The following GBF1 variants were observed in gnomAD, a reference collection of about 807,000 sequenced individuals.
GBF1 encodes the protein golgi brefeldin A resistant guanine nucleotide exchange factor 1.
A neutral mutation model predicts 210.5 loss-of-function variants in GBF1; 114 were observed. The observed-to-expected ratio is 0.54, with a 90% CI of 0.47 to 0.63. GBF1 has a LOEUF of 0.63. Ranked by LOEUF, GBF1 falls within the 30% of genes least tolerant of loss-of-function variation. The pLI is 0.00. For missense variants in GBF1, 1,851 were observed against 2,357.7 expected, an observed-to-expected ratio of 0.79 and a Z score of 4.45; for synonymous variants, 850 against 889.2, an observed-to-expected ratio of 0.96 and a Z score of 0.78.
chr10:102,315,195 A>G (rs1172158751), intron 3 of GBF1, among the ~76,000 whole-genome samples: 2 of 152,204 alleles, frequency 1.3e-5, no homozygotes, highest in Non-Finnish European at 2.9e-5. Flanking sequence ...CAGAAACATC[A>G]GTTGAAGACT....
At position 102,366,942 on chromosome 10, in the gene GBF1, G is replaced by T. The variant is rs1565169485; in HGVS notation, c.2434-143G>T. ...TAGTGACCTTTCCACAAAGAGATCA[G>T]CTTCTGTTAAGGAGTTGGCAAGAGA... On this transcript the variant is annotated intron_variant, in intron 19 of 39. Coordinates refer to ENST00000369983, the MANE Select transcript of GBF1 (RefSeq NM_001377137.1). The surrounding 1 kb of genome is among the most constrained non-coding windows in gnomAD (Gnocchi z 4.0). 1 of 838,416 alleles carries T rather than the reference G, an allele frequency of 1.2e-6. No individual in the cohort carries two copies. Among genetic ancestry groups the T allele is most frequent in the Admixed American group, 2.5e-5 (1 of 40,486 alleles). 51.9% of individuals were successfully genotyped at this position (838,416 alleles called of 1,614,324 possible).
intron 3 of GBF1, among the ~76,000 whole-genome samples, chr10:102,323,252 A>T (rs12411902): frequency 6.6e-6 from 1 of 151,312 alleles, no homozygotes; most frequent in Non-Finnish European, 1.5e-5. Flanking sequence ...AAAAAAAAAA[A>T]AAAAAAAAAG....
At chr10:102,380,088 G>A (rs892455129) in intron 36 of GBF1, 134 bp downstream of exon 36, 3 of 727,384 alleles carry the variant, frequency 4.1e-6, no homozygotes, top group African/African-American at 3.5e-5. Flanking sequence ...CACTAAGCAG[G>A]ACCTAGGGAC....
chr10:102,345,438 G>C (rs1042406290), intron 4 of GBF1, among the ~76,000 whole-genome samples: 4 of 151,362 alleles, frequency 2.6e-5, no homozygotes. Context: ...GGATCATGAG[G>C]TCAGGAGTTT....
chr10:102,364,281 G>A (rs1362844776), intron 17 of GBF1, among the ~76,000 whole-genome samples: 5 of 129,896 alleles, frequency 3.8e-5, no homozygotes, highest in Admixed American at 9.2e-5. Flanking sequence ...CTGGAGTGCA[G>A]TGGCATGATC....
intron 3 of GBF1, among the ~76,000 whole-genome samples, chr10:102,333,936 G>T (rs896299051): frequency 6.6e-6 from 1 of 152,162 alleles, no homozygotes; most frequent in African/African-American, 2.4e-5. Context: ...AGACAGAAAA[G>T]CCTAAAACCA....
chr10:102,298,796 T>C (rs973758376), intron 3 of GBF1, among the ~76,000 whole-genome samples: 4 of 152,184 alleles, frequency 2.6e-5, no homozygotes, highest in Non-Finnish European at 5.9e-5. Flanking sequence ...CCTAGGCCTG[T>C]TTCACTGATT....
chr10:102,381,633 G>A (rs1490827697), intron 39 of GBF1, among the ~76,000 whole-genome samples: 1 of 151,746 alleles, frequency 6.6e-6, no homozygotes, highest in African/African-American at 2.4e-5. Flanking sequence ...AACCAGCCTG[G>A]CCAACATGGT....
At position 102,382,160 on chromosome 10, in the gene GBF1, C is replaced by G. The variant is rs762778249; in HGVS notation, c.5407C>G (p.Pro1803Ala). 6.2e-7 allele frequency: 1 copy of G among 1,613,498 alleles called. No homozygotes were observed. The highest frequency in any genetic ancestry group is 8.5e-7 in the Non-Finnish European group (1 of 1,179,638). ...GAGCCCCACCCCCGACGGGCCTCCA[C>G]CCTTGGCTCAGCCCCCACTGATCCT... ...RLSPTPDGPP[P>A]LAQPPLILQP... Residue 1803 changes from proline (P) to alanine (A), a missense_variant, in exon 40 of 40, where the codon CCC becomes GCC. By Grantham distance (27) the Pro-to-Ala change is conservative (BLOSUM62 -1). Around this residue, in one of 3 missense-constraint regions of GBF1, gnomAD observed 967 missense variants for 1,247.7 expected, o/e 0.78. Coordinates refer to ENST00000369983, the MANE Select transcript of GBF1 (RefSeq NM_001377137.1).
Position 102,338,646 on chromosome 10 carries a change from G to A in GBF1, c.164-5405G>A, listed in dbSNP as rs764406527. Among the ~76,000 whole-genome samples the A allele has an allele frequency of 3.2e-4, 48 of 152,078 alleles. 1 individual carries two copies. The highest frequency in any genetic ancestry group is 3.4e-3 in the Middle Eastern group (1 of 294). ...ATTGACTGAATTGTATGCTGTGTGA[G>A]GGTTACACACAGAGCCTCGGCTGGG... is the stretch of plus-strand genomic sequence containing the variant. On this transcript the variant is annotated intron_variant, in intron 3 of 39. Coordinates refer to ENST00000369983, the MANE Select transcript of GBF1 (RefSeq NM_001377137.1).
intron 8 of GBF1, 132 bp from the exon 9 acceptor site, chr10:102,357,907 C>T: frequency 1.4e-6 from 1 of 694,040 alleles, no homozygotes; most frequent in Non-Finnish European, 2.5e-6. Flanking sequence ...AACTGATGGT[C>T]TAGAGTCTTA....
In GBF1 at chr10:102,376,995, T is replaced by A; in HGVS notation, c.4349T>A (p.Phe1450Tyr). 1 of 1,614,040 alleles carries A rather than the reference T, an allele frequency of 6.2e-7. No individual in the cohort carries two copies. The highest frequency in any genetic ancestry group is 8.5e-7 in the Non-Finnish European group (1 of 1,179,994). ...AAATATGACAGCAAAGGGAACCGCT[T>A]CAAGAAGAAATCCAAAGAGGGATCA... is the stretch of plus-strand genomic sequence containing the variant. Reference protein sequence around the residue: ...SHKYDSKGNRFKKKSKEGSML... With the variant: ...SHKYDSKGNRYKKKSKEGSML... Residue 1450 changes from phenylalanine (F) to tyrosine (Y), a missense_variant, in exon 33 of 40, where the codon TTC becomes TAC. Transcript: ENST00000369983.
In GBF1 at chr10:102,360,391, T is replaced by G; in HGVS notation, c.1388T>G (p.Phe463Cys). ...LIKDEMCRHLFQLLSIERLNL... is the reference protein window; with the variant it reads ...LIKDEMCRHLCQLLSIERLNL... The stretch of plus-strand genomic sequence containing the variant: ...AAGGATGAGATGTGCCGTCACTTAT[T>G]CCAGGTAAGACAAGATTGCTAGAGG... The change falls in exon 12 of 40, where the codon TTC becomes TGC. Residue 463 changes from phenylalanine to cysteine, a missense_variant. Transcript: ENST00000369983. 3.1e-6 allele frequency: 5 copies of G among 1,602,956 alleles called. No individual in the cohort carries two copies. The highest frequency in any genetic ancestry group is 4.3e-6 in the Non-Finnish European group (5 of 1,170,012).
Position 102,353,625 on chromosome 10 carries a change from A to C in GBF1, c.610A>C (p.Lys204Gln), listed in dbSNP as rs1166359317. 6.2e-7 allele frequency: 1 copy of C among 1,610,128 alleles called. No homozygotes were observed. Among genetic ancestry groups the C allele is most frequent in the Non-Finnish European group, 8.5e-7 (1 of 1,176,476 alleles). ...TRLPQFKEEP[K>Q]NYVGTNMKKL... ...GTTACCTCAGTTTAAAGAAGAACCCAAGAACTATGTGGGGACCAACATGAA... is the reference window on the plus strand; with the variant it reads ...GTTACCTCAGTTTAAAGAAGAACCCCAGAACTATGTGGGGACCAACATGAA... The change falls in exon 8 of 40, where the codon AAG becomes CAG. Residue 204 changes from lysine to glutamine, a missense_variant. Around this residue, in one of 3 missense-constraint regions of GBF1, gnomAD observed 804 missense variants for 958.6 expected, o/e 0.84. Transcript: ENST00000369983.
At chr10:102,231,650 G>T in the GBF1 span, 1 of 1,612,680 alleles carries the variant, frequency 6.2e-7, no homozygotes, top group Non-Finnish European at 8.5e-7. Flanking sequence ...CTCATGTCGG[G>T]GTAGCGGTTC....
rs1364601780 is a variant in GBF1, at chr10:102,351,277, C to T, written c.317C>T (p.Ala106Val). ...ALIDPTHEGTAEGMENMADAV... is the reference protein window; with the variant it reads ...ALIDPTHEGTVEGMENMADAV... ...GCAGATCCCACCCATGAGGGCACAG[C>T]AGAGGGCATGGAGAACATGGCAGAT... The change falls in exon 5 of 40, where the codon GCA becomes GTA. Residue 106 changes from alanine (A) to valine (V), a missense_variant. Around this residue, in one of 3 missense-constraint regions of GBF1, gnomAD observed 804 missense variants for 958.6 expected, o/e 0.84. Transcript: ENST00000369983. 6.2e-7 allele frequency: 1 copy of T among 1,602,504 alleles called. No individual in the cohort carries two copies. Among genetic ancestry groups the T allele is most frequent in the Admixed American group, 1.7e-5 (1 of 59,992 alleles).
At chr10:102,236,177 G>A in the GBF1 span, among the ~76,000 whole-genome samples, 1 of 152,238 alleles carries the variant, frequency 6.6e-6, no homozygotes, top group Non-Finnish European at 1.5e-5. Context: ...GCTGGAGACA[G>A]GCTGGCTGAA....
At chr10:102,260,934 A>G (rs890691143) in intron 3 of GBF1, among the ~76,000 whole-genome samples, 1 of 152,012 alleles carries the variant, frequency 6.6e-6, no homozygotes, top group Non-Finnish European at 1.5e-5. Context: ...TATTTTCCTA[A>G]TCACGGTAAC....
intron 2 of GBF1, 46 bp from the exon 3 acceptor site, chr10:102,260,004 C>T (rs1032218849): frequency 9.8e-7 from 1 of 1,023,046 alleles, no homozygotes; most frequent in Non-Finnish European, 1.5e-6. Context: ...TTTCCTTTTC[C>T]TCTTTTGGCC....
Sources: allele counts gnomAD v4.1 joint callset (sites outside exome capture counted in the v4.1 genomes callset), GRCh38; gene constraint gnomAD v4.1.1; regional missense constraint gnomAD v4.1.1; non-coding constraint Gnocchi (gnomAD v3.1); transcripts MANE v1.5; gene names NCBI Gene and HGNC (gene_info 2026-07-23, HGNC 2026-07-21).